The following TRIM42 variants were observed in gnomAD, a reference collection of about 807,000 sequenced individuals.
TRIM42 encodes the protein tripartite motif containing 42, also known as tripartite motif-containing protein 42.
A neutral mutation model predicts 64.9 loss-of-function variants in TRIM42; 59 were observed. That is an observed-to-expected ratio of 0.91 (90% confidence interval 0.74 to 1.13). The LOEUF is 1.13. Among genes scored for constraint, TRIM42 ranks in the 50% most tolerant of loss-of-function variants. TRIM42 has a pLI of 0.00. For synonymous variants in TRIM42, 354 were observed against 346.3 expected, an observed-to-expected ratio of 1.02 and a Z score of -0.25; for missense variants, 878 against 929.5, an observed-to-expected ratio of 0.94 and a Z score of 0.72.
chr3:140,696,899 G>A (rs765457302), intron 4 of TRIM42, among the ~76,000 whole-genome samples: 1 of 152,054 alleles, frequency 6.6e-6, no homozygotes, highest in Non-Finnish European at 1.5e-5. Flanking sequence ...TAAATTTGGG[G>A]TCAGGTGCAA....
At chr3:140,698,210 T>G (rs558644807) in intron 4 of TRIM42, among the ~76,000 whole-genome samples, 1 of 152,364 alleles carries the variant, frequency 6.6e-6, no homozygotes, top group African/African-American at 2.4e-5. Context: ...AATTTATTTC[T>G]TCATATACAT....
chr3:140,684,145 A>G (rs1039459092), intron 2 of TRIM42, among the ~76,000 whole-genome samples: 3 of 152,196 alleles, frequency 2.0e-5, no homozygotes, highest in Non-Finnish European at 4.4e-5. Flanking sequence ...TCTAATCTCA[A>G]TAATGCTACA....
chr3:140,691,741 G>A (rs978365419), intron 4 of TRIM42, among the ~76,000 whole-genome samples: 4 of 152,104 alleles, frequency 2.6e-5, no homozygotes, highest in Admixed American at 6.6e-5. Flanking sequence ...AGGTCAGTGT[G>A]CCTTCCAAAA....
In TRIM42 at chr3:140,682,258, G is replaced by A. The variant is rs546433130; in HGVS notation, c.342-204G>A. Among the ~76,000 whole-genome samples, 8 of 152,254 alleles carry A rather than the reference G, an allele frequency of 5.3e-5. No homozygotes were observed. The East Asian group carries it at 1.5e-3, about 29-fold the overall frequency. On this transcript the variant is annotated intron_variant, in intron 1 of 4. Coordinates refer to ENST00000286349, the MANE Select transcript of TRIM42 (RefSeq NM_152616.5). Reference sequence around the variant, plus strand: ...TAATTTTATAACAAGGAAACAGGCCGAGAGGTTAACTGGCTTACCTGAGGT... The same window carrying A: ...TAATTTTATAACAAGGAAACAGGCCAAGAGGTTAACTGGCTTACCTGAGGT...
In TRIM42 at chr3:140,694,944, C is replaced by T. The variant is rs1171929601; in HGVS notation, c.2085+3752C>T. Among the ~76,000 whole-genome samples the T allele has an allele frequency of 2.0e-5, 3 of 152,084 alleles. No homozygotes were observed. The South Asian group carries it at 6.2e-4, about 32-fold the overall frequency. ...CCACCTGATAATTCAGGCTAGTCTCCCTACCTGAAGACCAGCTGGGCCAGG... is the reference window on the plus strand; with the variant it reads ...CCACCTGATAATTCAGGCTAGTCTCTCTACCTGAAGACCAGCTGGGCCAGG... On this transcript the variant is annotated intron_variant, in intron 4 of 4. Coordinates refer to ENST00000286349, the MANE Select transcript of TRIM42 (RefSeq NM_152616.5).
At chr3:140,692,610 A>G (rs1048856354) in intron 4 of TRIM42, among the ~76,000 whole-genome samples, 1 of 144,710 alleles carries the variant, frequency 6.9e-6, no homozygotes, top group African/African-American at 2.5e-5. Context: ...CTGGCACAGG[A>G]AGGATGTGAG....
At chr3:140,697,598 C>T (rs570837861) in intron 4 of TRIM42, among the ~76,000 whole-genome samples, 2 of 152,304 alleles carry the variant, frequency 1.3e-5, no homozygotes, top group South Asian at 4.2e-4. Context: ...AACCAGTTTT[C>T]CCAATACCAT....
At position 140,678,253 on chromosome 3, in the gene TRIM42, C is replaced by G; in HGVS notation, c.24C>G (p.Cys8Trp). Residue 8 changes from cysteine (C) to tryptophan (W), a missense_variant, in exon 1 of 5, where the codon TGC (cysteine) becomes TGG (tryptophan). Physicochemically the swap from Cys to Trp is radical, Grantham distance 215. Transcript: ENST00000286349. ...CCATGGAAACTGCTATGTGCGTTTG[C>G]TGTCCATGTTGTACATGGCAGAGAT... METAMCV[C>W]CPCCTWQRCC... 1 of 1,614,060 alleles carries G rather than the reference C, an allele frequency of 6.2e-7. No homozygotes were observed. The highest frequency in any genetic ancestry group is 8.5e-7 in the Non-Finnish European group (1 of 1,179,916).
chr3:140,697,929 G>T (rs1273180752), intron 4 of TRIM42, among the ~76,000 whole-genome samples: 1 of 151,870 alleles, frequency 6.6e-6, no homozygotes, highest in Non-Finnish European at 1.5e-5. Flanking sequence ...GTGATCTGCC[G>T]GCCTCAGCCT....
intron 3 of TRIM42, 39 bp from the exon 4 acceptor site, chr3:140,690,929 T>G: frequency 1.4e-6 from 2 of 1,474,088 alleles, no homozygotes; most frequent in Non-Finnish European, 1.9e-6. Context: ...CTGAATGATG[T>G]ATACTAGTAC....
chr3:140,682,423 G>A (rs1988422780), intron 1 of TRIM42, 39 bp from the exon 2 acceptor site: 4 of 1,579,746 alleles, frequency 2.5e-6, no homozygotes, highest in Non-Finnish European at 2.6e-6. Flanking sequence ...AAGCTCTTGA[G>A]CCTGCCTCCT....
chr3:140,695,613 T>C (rs1482998432), intron 4 of TRIM42, among the ~76,000 whole-genome samples: 3 of 152,212 alleles, frequency 2.0e-5, no homozygotes, highest in Non-Finnish European at 4.4e-5. Flanking sequence ...TCTGCAGTGC[T>C]GCTGTCTTCC....
At chr3:140,700,810 T>A (rs1988981328) in intron 4 of TRIM42, 78 bp from the exon 5 acceptor site, 1 of 1,272,422 alleles carries the variant, frequency 7.9e-7, no homozygotes, top group East Asian at 2.3e-5. Context: ...ATGTGTGTAG[T>A]GTCTGACATG....
intron 3 of TRIM42, among the ~76,000 whole-genome samples, chr3:140,688,854 T>C (rs1443799801): frequency 6.6e-6 from 1 of 152,242 alleles, no homozygotes; most frequent in African/African-American, 2.4e-5. Flanking sequence ...CCAAAGTAAT[T>C]TGAAGACACT....
intron 1 of TRIM42, chr3:140,680,668 T>C (rs2107840735): frequency 1.0e-6 from 1 of 985,366 alleles, no homozygotes; most frequent in African/African-American, 1.7e-5. Flanking sequence ...AGGTGATCCC[T>C]TCAGGACCCA....
intron 3 of TRIM42, among the ~76,000 whole-genome samples, chr3:140,689,158 C>T (rs1014024719): frequency 1.3e-5 from 2 of 152,186 alleles, no homozygotes; most frequent in African/African-American, 2.4e-5. Flanking sequence ...TCCCTTTGAC[C>T]CTCTTGACCT....
chr3:140,694,075 C>A (rs911863904), intron 4 of TRIM42, among the ~76,000 whole-genome samples: 5 of 152,190 alleles, frequency 3.3e-5, no homozygotes, highest in Non-Finnish European at 4.4e-5. Flanking sequence ...AGCCCACAGT[C>A]CTTTGTTCCC....
chr3:140,683,003 T>C lies in TRIM42; in HGVS notation c.883T>C (p.Ser295Pro), dbSNP rs200643407. 482 of 1,613,922 alleles carry C rather than the reference T, an allele frequency of 3.0e-4. No individual in the cohort carries two copies. Among genetic ancestry groups the C allele is most frequent in the Non-Finnish European group, 3.9e-4 (456 of 1,179,998 alleles). The part of the protein sequence containing the change: ...QDEKICIHHP[S>P]SRIIEYCRND... ...CGAGAAGATCTGCATCCACCACCCATCCAGCCGCATCATCGAGTACTGCCG... is the reference window on the plus strand; with the variant it reads ...CGAGAAGATCTGCATCCACCACCCACCCAGCCGCATCATCGAGTACTGCCG... The change falls in exon 2 of 5, where the codon TCC becomes CCC. Residue 295 changes from serine to proline, a missense_variant. Transcript: ENST00000286349.
intron 2 of TRIM42, 54 bp downstream of exon 2, chr3:140,683,213 G>T: frequency 1.3e-6 from 2 of 1,578,056 alleles, no homozygotes; most frequent in Non-Finnish European, 1.7e-6. Flanking sequence ...AACACATGGG[G>T]AAGATGGCGT....
Sources: allele counts gnomAD v4.1 joint callset (sites outside exome capture counted in the v4.1 genomes callset), GRCh38; gene constraint gnomAD v4.1.1; transcripts MANE v1.5; gene names NCBI Gene and HGNC (gene_info 2026-07-23, HGNC 2026-07-21).